Variants in PRKAG2 observed in about 807,000 individuals in gnomAD.
The protein encoded by PRKAG2 is 5'-AMP-activated protein kinase subunit gamma-2.
Under a neutral mutation model 69.6 loss-of-function variants are expected in PRKAG2, and 26 were observed. The ratio of observed to expected loss-of-function variants is 0.37; its 90% CI spans 0.27 to 0.52. PRKAG2 has a LOEUF of 0.52. Ranked by LOEUF, PRKAG2 falls within the 20% of genes least tolerant of loss-of-function variation. The pLI, the probability that PRKAG2 is intolerant of heterozygous loss-of-function variation, is 0.90. For missense variants in PRKAG2, 557 were observed against 740.0 expected (o/e 0.75, Z 2.87); for synonymous variants, 293 against 285.0 (o/e 1.03, Z -0.28).
intron 1 of PRKAG2, among the ~76,000 whole-genome samples, chr7:151,849,129 G>A (rs1365324287): frequency 2.6e-5 from 4 of 152,172 alleles, no homozygotes; most frequent in East Asian, 1.9e-4. Flanking sequence ...TGGAGACCTC[G>A]AGAATTCTAA....
At chr7:151,759,608 G>A (rs564058984) in intron 3 of PRKAG2, among the ~76,000 whole-genome samples, 5 of 152,280 alleles carry the variant, frequency 3.3e-5, no homozygotes, top group South Asian at 2.1e-4. Context: ...TCTGGGAGGC[G>A]CATTTGAAGG....
intron 3 of PRKAG2, among the ~76,000 whole-genome samples, chr7:151,700,711 C>A: frequency 6.6e-6 from 1 of 152,110 alleles, no homozygotes; most frequent in Non-Finnish European, 1.5e-5. Context: ...ATCTCCGCCA[C>A]GCGTCCCAGG....
intron 3 of PRKAG2, among the ~76,000 whole-genome samples, chr7:151,733,883 A>AG (rs988449385): frequency 8.6e-5 from 13 of 151,612 alleles, no homozygotes; most frequent in African/African-American, 2.9e-4. Context: ...TTTTGTAGAG[A>AG]GGGGTCTCAT....
At position 151,626,728 on chromosome 7, in the gene PRKAG2, G is replaced by A. The variant is rs536633779; in HGVS notation, c.754+5341C>T. ...TAGATGACCACAAATACACAGGGAG[G>A]CAATTCTCCCTTAAGCAAGTTCCAG... On this transcript the variant is annotated intron_variant, in intron 5 of 15. Transcript: ENST00000287878. 9.4e-4 allele frequency among the ~76,000 whole-genome samples: 140 copies of A among 149,012 alleles called. 1 individual carries two copies. Among genetic ancestry groups the A allele is most frequent in the African/African-American group, 3.5e-3 (135 of 38,446 alleles).
intron 3 of PRKAG2, among the ~76,000 whole-genome samples, chr7:151,725,801 T>C (rs902118204): frequency 2.6e-5 from 4 of 152,090 alleles, no homozygotes; most frequent in African/African-American, 9.7e-5. Context: ...GCCTGTGCCC[T>C]TTCTGCCACT....
chr7:151,627,082 G>C (rs1488199110), intron 5 of PRKAG2, among the ~76,000 whole-genome samples: 1 of 152,170 alleles, frequency 6.6e-6, no homozygotes. Flanking sequence ...GAGAGAAAAA[G>C]CAAAAGATCA....
intron 4 of PRKAG2, among the ~76,000 whole-genome samples, chr7:151,671,653 C>A (rs145002091): frequency 6.6e-6 from 1 of 152,368 alleles, no homozygotes; most frequent in Admixed American, 6.5e-5. Context: ...GTACCTGTGA[C>A]TGCAACCTTA....
rs1467263656 is a variant in PRKAG2, at chr7:151,583,640, A to G, written c.865-7188T>C. On this transcript the variant is annotated intron_variant, in intron 6 of 15. Transcript: ENST00000287878. This position sits in a 1 kb window ranked among gnomAD's most constrained non-coding sequence, Gnocchi z 4.1. ...ATTAACCAATAAACAGGATACAAAG[A>G]GGACTAACACAATCTAGTTCTAATT... 6.6e-6 allele frequency among the ~76,000 whole-genome samples: 1 copy of G among 152,222 alleles called. No individual in the cohort carries two copies. The highest frequency in any genetic ancestry group is 2.4e-5 in the African/African-American group (1 of 41,458).
rs567990517 is a variant in PRKAG2 at position 151,679,155 on chromosome 7, C to T, written c.467-3518G>A. Among the ~76,000 whole-genome samples, 21 of 152,134 alleles carry T rather than the reference C, an allele frequency of 1.4e-4. No individual in the cohort carries two copies. The South Asian group carries it at 2.9e-3, about 21-fold the overall frequency. ...ACCACAAAAGGGCTGCCGGCCCATCCGGACCCTTCTCAGGGCCAGGCTCCA... is the reference window on the plus strand; with the variant it reads ...ACCACAAAAGGGCTGCCGGCCCATCTGGACCCTTCTCAGGGCCAGGCTCCA... On this transcript the variant is annotated intron_variant, in intron 3 of 15. Transcript: ENST00000287878.
intron 11 of PRKAG2, among the ~76,000 whole-genome samples, chr7:151,568,202 T>C (rs983627429): frequency 4.6e-5 from 7 of 152,264 alleles, no homozygotes; most frequent in African/African-American, 1.7e-4. Flanking sequence ...TACAGGTTAA[T>C]ACAGGCCTTA....
intron 1 of PRKAG2, among the ~76,000 whole-genome samples, chr7:151,800,357 C>CAA (rs398048179): frequency 0.032 from 3,376 of 104,082 alleles, 76 homozygotes; most frequent in East Asian, 0.13. Context: ...GACTCTGTCT[C>CAA]AAAAAAAAAA....
chr7:151,633,282 T>C (rs1825132339), intron 4 of PRKAG2: 1 of 152,190 alleles, frequency 6.6e-6, no homozygotes, highest in African/African-American at 2.4e-5. Context: ...AGATGTTTCA[T>C]GGTAAAAAGC....
intron 5 of PRKAG2, among the ~76,000 whole-genome samples, chr7:151,610,161 C>G (rs1314516048): frequency 6.6e-6 from 1 of 151,664 alleles, no homozygotes; most frequent in South Asian, 2.1e-4. Context: ...GTCAGGAGAT[C>G]GAGACCATCC....
At chr7:151,681,219 G>A (rs748962328) in intron 3 of PRKAG2, among the ~76,000 whole-genome samples, 1 of 152,160 alleles carries the variant, frequency 6.6e-6, no homozygotes, top group Non-Finnish European at 1.5e-5. Flanking sequence ...CCGAGGAGAT[G>A]AGAAGGTGGA....
intron 5 of PRKAG2, among the ~76,000 whole-genome samples, chr7:151,618,453 CAAAAT>C (rs540092141): frequency 6.7e-6 from 1 of 148,542 alleles, no homozygotes; most frequent in Non-Finnish European, 1.5e-5. Flanking sequence ...GACTCCGTCT[CAAAAT>C]AAAATAAAAT....
At chr7:151,563,600 G>A (rs1360077871) in intron 14 of PRKAG2, among the ~76,000 whole-genome samples, 2 of 152,188 alleles carry the variant, frequency 1.3e-5, no homozygotes, top group Non-Finnish European at 2.9e-5. Context: ...TCTATTTAGA[G>A]ACAGGGTCTT....
At chr7:151,735,651 C>T (rs142831014) in intron 3 of PRKAG2, among the ~76,000 whole-genome samples, 3 of 152,218 alleles carry the variant, frequency 2.0e-5, no homozygotes, top group Non-Finnish European at 2.9e-5. Flanking sequence ...CATCACTAGC[C>T]TCCCTGGGCC....
chr7:151,802,002 T>C (rs184231923), intron 1 of PRKAG2, among the ~76,000 whole-genome samples: 78 of 152,286 alleles, frequency 5.1e-4, no homozygotes, highest in African/African-American at 1.6e-3. Flanking sequence ...GGAGTCTCCA[T>C]GCAGCCCAAG....
At chr7:151,769,761 C>G (rs754185624) in intron 3 of PRKAG2, among the ~76,000 whole-genome samples, 1 of 152,158 alleles carries the variant, frequency 6.6e-6, no homozygotes, top group Non-Finnish European at 1.5e-5. Flanking sequence ...GGCGGAAACA[C>G]GAGGTGGGCA....
Sources: allele counts gnomAD v4.1 joint callset (sites outside exome capture counted in the v4.1 genomes callset), GRCh38; gene constraint gnomAD v4.1.1; non-coding constraint Gnocchi (gnomAD v3.1); transcripts MANE v1.5; gene names NCBI Gene and HGNC (gene_info 2026-07-23, HGNC 2026-07-21).